PPP2R3A: variants seen among roughly 807,000 people sequenced by gnomAD.
PPP2R3A encodes the protein protein phosphatase 2 regulatory subunit B''alpha, also known as serine/threonine-protein phosphatase 2A regulatory subunit B'' subunit alpha.
In PPP2R3A, 80 loss-of-function variants were observed where a neutral mutation model predicts 106.9. The observed-to-expected ratio is 0.75, with a 90% CI of 0.62 to 0.90. The LOEUF (loss-of-function observed/expected upper bound fraction) is 0.90, where lower values mean the gene tolerates loss of function less well. Among genes scored for constraint, PPP2R3A ranks in the 40% least tolerant of loss-of-function variants. The pLI, the probability that PPP2R3A is intolerant of heterozygous loss-of-function variation, is 0.00. For synonymous variants in PPP2R3A, 483 were observed against 468.3 expected (o/e 1.03, Z -0.41); for missense variants, 1,386 against 1,350.4 (o/e 1.03, Z -0.41).
intron 7 of PPP2R3A, among the ~76,000 whole-genome samples, chr3:136,080,960 G>A (rs912480560): frequency 5.3e-5 from 8 of 151,996 alleles, no homozygotes; most frequent in African/African-American, 1.9e-4. Flanking sequence ...TTTGTGTTAT[G>A]AAATAGTCCT....
At chr3:136,106,636 C>T in intron 13 of PPP2R3A, 1 of 283,316 alleles carries the variant, frequency 3.5e-6, no homozygotes, top group Non-Finnish European at 6.6e-6. Context: ...AGAACTAAAG[C>T]TCTGGCCGGG....
At chr3:136,066,244 T>C (rs1423198797) in intron 5 of PPP2R3A, among the ~76,000 whole-genome samples, 1 of 152,178 alleles carries the variant, frequency 6.6e-6, no homozygotes, top group East Asian at 1.9e-4. Flanking sequence ...CATAAATTAT[T>C]TCAGAGTATT....
At chr3:136,082,454 A>G (rs549029190) in intron 8 of PPP2R3A, 33 bp downstream of exon 8, 142 of 1,593,428 alleles carry the variant, frequency 8.9e-5, no homozygotes, top group Admixed American at 1.9e-4. Context: ...AGACTTAACC[A>G]TTTTAAAGAG....
intron 2 of PPP2R3A, among the ~76,000 whole-genome samples, chr3:136,020,035 A>ATC (rs1305686294): frequency 1.3e-5 from 2 of 152,126 alleles, no homozygotes; most frequent in Admixed American, 6.5e-5. Flanking sequence ...CATCTTTATC[A>ATC]TCTCTCTAGC....
chr3:136,089,978 AATT>A (rs762339840), intron 9 of PPP2R3A, among the ~76,000 whole-genome samples: 15 of 152,118 alleles, frequency 9.9e-5, no homozygotes, highest in Admixed American at 5.2e-4. Context: ...ACTTTAATGA[AATT>A]ATTATTAGTT....
chr3:136,021,632 G>GTGTA (rs1175582346), intron 2 of PPP2R3A, among the ~76,000 whole-genome samples: 2 of 152,106 alleles, frequency 1.3e-5, no homozygotes, highest in East Asian at 3.9e-4. Flanking sequence ...ATAATGTTTG[G>GTGTA]TGTATATTTT....
chr3:136,125,477 A>G (rs1259620642), intron 13 of PPP2R3A, among the ~76,000 whole-genome samples: 8 of 152,238 alleles, frequency 5.3e-5, no homozygotes, highest in Admixed American at 3.3e-4. Flanking sequence ...CTGTAAAGCC[A>G]GTATCACCCT....
rs777856406 is a variant in PPP2R3A at position 136,002,483 on chromosome 3, G to C, written c.985G>C (p.Glu329Gln). The change falls in exon 2 of 14, where the codon GAA becomes CAA. Residue 329 changes from glutamate (E) to glutamine (Q), a missense_variant. Glu to Gln is a conservative substitution (Grantham distance 29). Coordinates refer to ENST00000264977, the MANE Select transcript of PPP2R3A (RefSeq NM_002718.5). ...LTPFSPVFGT[E>Q]QPPKYEDVVQ... Reference sequence around the variant, plus strand: ...TCCCTTCTCCCCAGTGTTTGGCACTGAACAACCCCCTAAATATGAAGATGT... The same window carrying C: ...TCCCTTCTCCCCAGTGTTTGGCACTCAACAACCCCCTAAATATGAAGATGT... 6.2e-7 allele frequency: 1 copy of C among 1,614,082 alleles called. No individual in the cohort carries two copies. The highest frequency in any genetic ancestry group is 8.5e-7 in the Non-Finnish European group (1 of 1,179,992).
chr3:136,069,657 G>T (rs1255793164), intron 5 of PPP2R3A, among the ~76,000 whole-genome samples: 2 of 152,196 alleles, frequency 1.3e-5, no homozygotes, highest in Admixed American at 1.3e-4. Flanking sequence ...TTGAGACTAT[G>T]TATTGGTATT....
At position 136,003,105 on chromosome 3, in the gene PPP2R3A, A is replaced by G. The variant is rs780747674; in HGVS notation, c.1607A>G (p.Asn536Ser). The G allele has an allele frequency of 6.2e-7, 1 of 1,610,690 alleles. No individual in the cohort carries two copies. Among genetic ancestry groups the G allele is most frequent in the Non-Finnish European group, 8.5e-7 (1 of 1,179,206 alleles). ...AGAGAGCCACTTGCGAAGGGTAAAA[A>G]CTCTAATTTTTTAAATAGTCACAGT... The part of the protein sequence containing the change: ...SLREPLAKGK[N>S]SNFLNSHSQL... Residue 536 changes from asparagine (N) to serine (S), a missense_variant, in exon 2 of 14, where the codon AAC (asparagine) becomes AGC (serine). Transcript: ENST00000264977.
At chr3:136,124,856 G>A (rs1318252599) in intron 13 of PPP2R3A, among the ~76,000 whole-genome samples, 1 of 152,048 alleles carries the variant, frequency 6.6e-6, no homozygotes, top group Admixed American at 6.6e-5. Context: ...GAATTATACG[G>A]GAATATTATG....
intron 13 of PPP2R3A, among the ~76,000 whole-genome samples, chr3:136,116,996 C>G (rs1011738370): frequency 7.2e-5 from 11 of 152,162 alleles, no homozygotes; most frequent in African/African-American, 2.7e-4. Context: ...AAGTAAAGCA[C>G]TCCTCAGCAA....
chr3:136,087,243 G>GTCTCTCTCTCTCTCTC, intron 8 of PPP2R3A, among the ~76,000 whole-genome samples: 2 of 75,126 alleles, frequency 2.7e-5, no homozygotes, highest in Admixed American at 1.4e-4. Context: ...GTCTCTAGTC[G>GTCTCTCTCTCTCTCTC]TGTCTCTCTC....
intron 1 of PPP2R3A, among the ~76,000 whole-genome samples, chr3:135,975,471 A>G (rs1937392745): frequency 6.6e-6 from 1 of 152,216 alleles, no homozygotes; most frequent in Non-Finnish European, 1.5e-5. Flanking sequence ...TATTTCTAAG[A>G]ATTTTAGCCA....
chr3:136,055,129 TCCTCAAAGA>T, intron 5 of PPP2R3A: 2 of 691,692 alleles, frequency 2.9e-6, no homozygotes, highest in Non-Finnish European at 4.5e-6. Flanking sequence ...AAGGCTTTTT[TCCTCAAAGA>T]TTCCTTTTAG....
intron 10 of PPP2R3A, among the ~76,000 whole-genome samples, chr3:136,099,818 C>G (rs1476626574): frequency 6.6e-6 from 1 of 151,062 alleles, no homozygotes; most frequent in East Asian, 1.9e-4. Context: ...ACTGAGAAAA[C>G]ATCTCAAATT....
chr3:136,068,968 A>G (rs577340977), intron 5 of PPP2R3A, among the ~76,000 whole-genome samples: 1 of 152,298 alleles, frequency 6.6e-6, no homozygotes, highest in African/African-American at 2.4e-5. Flanking sequence ...ACAAAACCAA[A>G]TGGAGAGACA....
intron 1 of PPP2R3A, among the ~76,000 whole-genome samples, chr3:135,999,343 A>G (rs1293907172): frequency 1.3e-5 from 2 of 152,126 alleles, no homozygotes; most frequent in Non-Finnish European, 2.9e-5. Context: ...GGGCTTCAAA[A>G]CCATGGAGTC....
chr3:136,106,566 ACAAT>A (rs202180474), intron 13 of PPP2R3A: 1 of 491,862 alleles, frequency 2.0e-6, no homozygotes, highest in Non-Finnish European at 3.6e-6. Flanking sequence ...AGATCACTGA[ACAAT>A]CAAACTACTG....
Sources: gnomAD v4.1 joint callset for allele counts (sites outside exome capture counted in the v4.1 genomes callset) on GRCh38, gnomAD v4.1.1 for gene constraint, MANE v1.5 for transcripts, NCBI Gene and HGNC (gene_info 2026-07-23, HGNC 2026-07-21) for gene names.